The following CCDC3 variants were observed in gnomAD, a reference collection of about 807,000 sequenced individuals.
CCDC3 encodes coiled-coil domain containing 3, also known as coiled-coil domain-containing protein 3.
CCDC3 carries 24 observed loss-of-function variants against 21.4 expected under a neutral mutation model. That is an observed-to-expected ratio of 1.12 (90% CI 0.81 to 1.58). CCDC3 has a LOEUF of 1.58. Ranked by LOEUF, CCDC3 falls within the 40% of genes most tolerant of loss-of-function variation. The pLI is 0.00. For synonymous variants in CCDC3, 186 were observed against 166.0 expected (o/e 1.12, Z -0.93); for missense variants, 425 against 360.9 (o/e 1.18, Z -1.44).
chr10:12,943,522 G>A (rs1334108294), intron 2 of CCDC3, among the ~76,000 whole-genome samples: 1 of 152,228 alleles, frequency 6.6e-6, no homozygotes, highest in African/African-American at 2.4e-5. Context: ...GGGATACTTG[G>A]AAGCCAGGTA....
chr10:13,033,817 G>T (rs948178850), intron 5 of CCDC3, among the ~76,000 whole-genome samples: 1 of 152,140 alleles, frequency 6.6e-6, no homozygotes, highest in African/African-American at 2.4e-5. Context: ...AGTTAGAATG[G>T]CAATCATTAA....
At chr10:12,991,644 G>A (rs1423012712) in intron 2 of CCDC3, among the ~76,000 whole-genome samples, 1 of 152,112 alleles carries the variant, frequency 6.6e-6, no homozygotes, top group African/African-American at 2.4e-5. Context: ...TTGAACACAC[G>A]TTCTTAATGG....
chr10:13,074,573 C>A (rs894504947), intron 3 of CCDC3, among the ~76,000 whole-genome samples: 1 of 151,690 alleles, frequency 6.6e-6, no homozygotes, highest in Non-Finnish European at 1.5e-5. Context: ...TCTCCCTCCC[C>A]CTCCCCCTCT....
At chr10:13,095,642 G>A (rs890984039) in intron 3 of CCDC3, among the ~76,000 whole-genome samples, 5 of 152,158 alleles carry the variant, frequency 3.3e-5, no homozygotes, top group African/African-American at 7.2e-5. Context: ...CCTGCTGTTC[G>A]GTCTAGTTCC....
chr10:13,050,446 A>G (rs530894916), intron 4 of CCDC3, among the ~76,000 whole-genome samples: 1 of 144,898 alleles, frequency 6.9e-6, no homozygotes, highest in East Asian at 2.1e-4. Flanking sequence ...TCATCACTGG[A>G]TTATTTATTC....
At chr10:13,036,899 T>C (rs933476380) in intron 5 of CCDC3, among the ~76,000 whole-genome samples, 2 of 151,626 alleles carry the variant, frequency 1.3e-5, no homozygotes, top group African/African-American at 4.9e-5. Context: ...CTCATCTCAG[T>C]ATCCAGCATA....
At chr10:12,954,347 T>C (rs939896840) in intron 2 of CCDC3, among the ~76,000 whole-genome samples, 9 of 152,268 alleles carry the variant, frequency 5.9e-5, no homozygotes, top group South Asian at 2.1e-4. Flanking sequence ...CAAATAGTTT[T>C]GATTTGGAAT....
chr10:13,001,322 G>T lies in CCDC3; in HGVS notation c.249C>A (p.Cys83Ter), dbSNP rs1309864745. 6.2e-7 allele frequency: 1 copy of T among 1,606,088 alleles called. No homozygotes were observed. Among genetic ancestry groups the T allele is most frequent in the Admixed American group, 1.7e-5 (1 of 59,174 alleles). ...LFYSAEVEML[C>*]DQAWGSMLEV... ...CCAGCATGCTGCCCCACGCCTGGTC[G>T]CACAGCATCTCGACCTCGGCCGAGT... is the stretch of plus-strand genomic sequence containing the variant. Residue 83 changes from cysteine to a stop codon, truncating the protein, a stop_gained, in exon 1 of 3, where the codon TGC (cysteine) becomes TGA (stop). Coordinates refer to ENST00000378825, the MANE Select transcript of CCDC3 (RefSeq NM_031455.4). LOFTEE classifies it high-confidence loss of function.
intron 2 of CCDC3, among the ~76,000 whole-genome samples, chr10:12,901,094 G>A (rs12771072): frequency 0.039 from 5,879 of 152,182 alleles, 156 homozygotes; most frequent in Non-Finnish European, 0.057. Flanking sequence ...TCCCAACTTG[G>A]AAGATCTCTG....
At chr10:13,037,352 C>T (rs4750301) in intron 5 of CCDC3, among the ~76,000 whole-genome samples, 23,666 of 152,058 alleles carry the variant, frequency 0.16, 2,032 homozygotes, top group Admixed American at 0.23. Flanking sequence ...TACCTTATTA[C>T]GTAACCATAA....
intron 2 of CCDC3, among the ~76,000 whole-genome samples, chr10:12,932,834 C>G (rs868479899): frequency 6.6e-6 from 1 of 152,102 alleles, no homozygotes; most frequent in Non-Finnish European, 1.5e-5. Context: ...GAGACAGTTC[C>G]CCTCTACTCC....
upstream of CCDC3, among the ~76,000 whole-genome samples, chr10:13,005,004 T>C (rs1410514464): frequency 2.0e-5 from 3 of 152,320 alleles, no homozygotes; most frequent in Non-Finnish European, 2.9e-5. Flanking sequence ...GTCCTTGTCA[T>C]CAATCTTCTG....
chr10:12,923,430 G>C (rs778027946), intron 2 of CCDC3, among the ~76,000 whole-genome samples: 1 of 151,974 alleles, frequency 6.6e-6, no homozygotes, highest in South Asian at 2.1e-4. Context: ...CTCCTGGCAC[G>C]CCCTTTCCAC....
intron 4 of CCDC3, among the ~76,000 whole-genome samples, chr10:13,063,632 C>A (rs1836788447): frequency 6.6e-6 from 1 of 152,200 alleles, no homozygotes; most frequent in South Asian, 2.1e-4. Flanking sequence ...AGATTAAAAA[C>A]CCAGTCGCCT....
intron 2 of CCDC3, among the ~76,000 whole-genome samples, chr10:12,966,485 A>G (rs1217960154): frequency 6.6e-6 from 1 of 152,110 alleles, no homozygotes; most frequent in Admixed American, 6.5e-5. Flanking sequence ...CTGTACTTGC[A>G]AACAGGAACA....
intron 2 of CCDC3, among the ~76,000 whole-genome samples, chr10:12,915,146 A>G (rs1834331459): frequency 6.6e-6 from 1 of 152,188 alleles, no homozygotes; most frequent in Non-Finnish European, 1.5e-5. Flanking sequence ...ATTTCCCAAA[A>G]TCCTTATAAC....
chr10:13,070,369 A>G (rs1836866937), intron 4 of CCDC3, among the ~76,000 whole-genome samples: 1 of 152,200 alleles, frequency 6.6e-6, no homozygotes, highest in Non-Finnish European at 1.5e-5. Flanking sequence ...ACACAATTGG[A>G]GAAACTGGTT....
At chr10:13,076,693 A>C (rs10752283) in intron 3 of CCDC3, among the ~76,000 whole-genome samples, 1 of 152,062 alleles carries the variant, frequency 6.6e-6, no homozygotes. Flanking sequence ...ATGCTCACAG[A>C]CATGTCCCAG....
At chr10:12,963,180 C>A (rs1835206187) in intron 2 of CCDC3, among the ~76,000 whole-genome samples, 1 of 152,084 alleles carries the variant, frequency 6.6e-6, no homozygotes, top group Non-Finnish European at 1.5e-5. Context: ...CATATTTTTT[C>A]TTTATTTAGA....
Sources: allele counts gnomAD v4.1 joint callset (sites outside exome capture counted in the v4.1 genomes callset), GRCh38; gene constraint gnomAD v4.1.1; transcripts MANE v1.5; gene names NCBI Gene and HGNC (gene_info 2026-07-23, HGNC 2026-07-21).